Variants in MGLL observed in about 807,000 individuals in gnomAD.
MGLL encodes the protein lysophospholipase homolog.
MGLL carries 7 observed loss-of-function variants against 29.1 expected under a neutral mutation model. The observed-to-expected ratio is 0.24, with a 90% CI of 0.14 to 0.45. The LOEUF (loss-of-function observed/expected upper bound fraction) is 0.45, where lower values mean the gene tolerates loss of function less well. Ranked by LOEUF, MGLL falls within the 20% of genes least tolerant of loss-of-function variation. The pLI is 0.99. For missense variants in MGLL, 356 were observed against 413.6 expected (o/e 0.86, Z 1.21); for synonymous variants, 148 against 168.3 (o/e 0.88, Z 0.93).
At chr3:127,747,360 G>A (rs2076467543) in intron 3 of MGLL, among the ~76,000 whole-genome samples, 1 of 152,166 alleles carries the variant, frequency 6.6e-6, no homozygotes, top group South Asian at 2.1e-4. Flanking sequence ...AAAACCCCCA[G>A]CCTTCTCCTG....
At chr3:127,753,808 A>G (rs1003401390) in intron 3 of MGLL, among the ~76,000 whole-genome samples, 5 of 152,226 alleles carry the variant, frequency 3.3e-5, no homozygotes, top group African/African-American at 9.6e-5. Context: ...AAGGCCACAC[A>G]GCTAGAGATG....
intron 3 of MGLL, among the ~76,000 whole-genome samples, chr3:127,775,933 C>A (rs1339844591): frequency 2.0e-5 from 3 of 152,234 alleles, no homozygotes; most frequent in African/African-American, 7.2e-5. Context: ...GCCCTTCTGC[C>A]TGCATGGAAG....
chr3:127,822,291 C>G lies in MGLL; in HGVS notation c.10+18G>C, dbSNP rs1039319140. The G allele has an allele frequency of 2.5e-6, 4 of 1,610,646 alleles. No homozygotes were observed. The African/African-American group carries it at 5.3e-5, about 22-fold the overall frequency. On this transcript the variant is annotated intron_variant, in intron 1 of 7. Transcript: ENST00000265052. Reference sequence around the variant, plus strand: ...AGATTATTCCTCCCATCTGAAATTCCAAGGATACATGACAAACCTGTTTCC... The same window carrying G: ...AGATTATTCCTCCCATCTGAAATTCGAAGGATACATGACAAACCTGTTTCC...
At chr3:127,737,632 T>TTTA in intron 3 of MGLL, among the ~76,000 whole-genome samples, 1 of 22,334 alleles carries the variant, frequency 4.5e-5, no homozygotes, top group South Asian at 1.5e-3. Context: ...AACTGCTTCT[T>TTTA]TTTTTTTTTT....
intron 6 of MGLL, among the ~76,000 whole-genome samples, chr3:127,700,257 A>G (rs1373017539): frequency 6.6e-6 from 1 of 152,188 alleles, no homozygotes; most frequent in Non-Finnish European, 1.5e-5. Flanking sequence ...CGATGTCCTC[A>G]TTTCCCACCT....
intron 2 of MGLL, among the ~76,000 whole-genome samples, chr3:127,801,578 T>C (rs1052412539): frequency 3.9e-5 from 6 of 151,984 alleles, no homozygotes; most frequent in Non-Finnish European, 8.8e-5. Context: ...ATCGCACCAT[T>C]GCACTCCAGC....
At chr3:127,697,417 T>G (rs2075390291) in intron 6 of MGLL, among the ~76,000 whole-genome samples, 1 of 152,162 alleles carries the variant, frequency 6.6e-6, no homozygotes, top group Non-Finnish European at 1.5e-5. Flanking sequence ...TCACTGGGCC[T>G]CCATAACTCC....
chr3:127,754,631 A>G (rs1488957687), intron 3 of MGLL, among the ~76,000 whole-genome samples: 2 of 152,168 alleles, frequency 1.3e-5, no homozygotes, highest in East Asian at 3.9e-4. Context: ...CTCACCACTC[A>G]GGCTGTTGGT....
chr3:127,724,058 G>T (rs2075986898), intron 3 of MGLL, among the ~76,000 whole-genome samples: 1 of 152,168 alleles, frequency 6.6e-6, no homozygotes, highest in African/African-American at 2.4e-5. Flanking sequence ...GCCTGCAGGA[G>T]AAACCAACCC....
At chr3:127,767,691 C>T (rs150199849) in intron 3 of MGLL, among the ~76,000 whole-genome samples, 11 of 152,326 alleles carry the variant, frequency 7.2e-5, no homozygotes, top group South Asian at 4.1e-4. Flanking sequence ...ACTCTAGAAA[C>T]GGAACAGCAA....
At chr3:127,813,949 C>T (rs939355739) in intron 2 of MGLL, among the ~76,000 whole-genome samples, 2 of 151,880 alleles carry the variant, frequency 1.3e-5, no homozygotes, top group African/African-American at 2.4e-5. Context: ...TCTATCCTTC[C>T]TCCTCCTTAT....
chr3:127,811,506 T>C (rs2077661824), intron 2 of MGLL, among the ~76,000 whole-genome samples: 1 of 152,212 alleles, frequency 6.6e-6, no homozygotes, highest in African/African-American at 2.4e-5. Flanking sequence ...AATACAAATA[T>C]ATTTTCCCCC....
intron 3 of MGLL, among the ~76,000 whole-genome samples, chr3:127,724,087 G>A (rs902975265): frequency 6.6e-6 from 1 of 152,164 alleles, no homozygotes; most frequent in Non-Finnish European, 1.5e-5. Flanking sequence ...CCCTGATCTT[G>A]GACTTCCAGC....
intron 3 of MGLL, among the ~76,000 whole-genome samples, chr3:127,767,025 A>G (rs984731061): frequency 6.6e-6 from 1 of 152,124 alleles, no homozygotes; most frequent in African/African-American, 2.4e-5. Flanking sequence ...TAGGGCCGAG[A>G]TTGCACCACT....
chr3:127,765,238 T>TTAAACACTTCAGAAACGG (rs2076836442), intron 3 of MGLL, among the ~76,000 whole-genome samples: 1 of 152,322 alleles, frequency 6.6e-6, no homozygotes, highest in Non-Finnish European at 1.5e-5. Flanking sequence ...AGTGACTCAT[T>TTAAACACTTCAGAAACGG]TAAACACTTC....
intron 3 of MGLL, among the ~76,000 whole-genome samples, chr3:127,724,811 G>T (rs888294112): frequency 6.6e-6 from 1 of 152,226 alleles, no homozygotes; most frequent in South Asian, 2.1e-4. Flanking sequence ...CATCTCTTCC[G>T]TATGTTTCTA....
intron 3 of MGLL, among the ~76,000 whole-genome samples, chr3:127,758,563 C>T (rs1220552135): frequency 6.6e-6 from 1 of 152,240 alleles, no homozygotes; most frequent in East Asian, 1.9e-4. Context: ...CTTAGAGCAG[C>T]CCCTGAGCCT....
rs538581201 is a variant in MGLL at position 127,811,284 on chromosome 3, A to G, written c.155+10410T>C. 2.6e-5 allele frequency among the ~76,000 whole-genome samples: 4 copies of G among 152,310 alleles called. No individual in the cohort carries two copies. In the South Asian group the frequency reaches 8.3e-4, roughly 32 times the overall value. Reference sequence around the variant, plus strand: ...CCAGGTATGAAACTCTACAAGAGGCATGTGTTGGAGAAGATAGAAAAAAGC... The same window carrying G: ...CCAGGTATGAAACTCTACAAGAGGCGTGTGTTGGAGAAGATAGAAAAAAGC... On this transcript the variant is annotated intron_variant, in intron 2 of 7. Transcript: ENST00000265052.
chr3:127,734,697 A>G (rs930646914), intron 3 of MGLL, among the ~76,000 whole-genome samples: 2 of 152,242 alleles, frequency 1.3e-5, no homozygotes, highest in Non-Finnish European at 2.9e-5. Context: ...GAAGAGATCC[A>G]AGGACCAATC....
Sources: allele counts gnomAD v4.1 joint callset (sites outside exome capture counted in the v4.1 genomes callset), GRCh38; gene constraint gnomAD v4.1.1; transcripts MANE v1.5; gene names NCBI Gene and HGNC (gene_info 2026-07-23, HGNC 2026-07-21).